Variants in XKR4 observed in about 807,000 individuals in gnomAD.
The protein encoded by XKR4 is XK-related protein 4.
XKR4 carries 12 observed loss-of-function variants against 53.9 expected under a neutral mutation model. The observed-to-expected ratio is 0.22, with a 90% CI of 0.14 to 0.36. The LOEUF (loss-of-function observed/expected upper bound fraction) is 0.36. XKR4 is among the 10% of genes least tolerant of loss of function. XKR4 has a pLI of 1.00. For missense variants in XKR4, 799 were observed against 859.5 expected (o/e 0.93, Z 0.88); for synonymous variants, 354 against 362.4 (o/e 0.98, Z 0.26).
At chr8:55,434,151 G>C (rs542044881) in intron 2 of XKR4, among the ~76,000 whole-genome samples, 134 of 152,226 alleles carry the variant, frequency 8.8e-4, no homozygotes, top group Middle Eastern at 3.4e-3. Context: ...GTAAAATGTG[G>C]AATATGACCA....
At chr8:55,326,502 G>C (rs1297013944) in intron 1 of XKR4, among the ~76,000 whole-genome samples, 1 of 56,170 alleles carries the variant, frequency 1.8e-5, no homozygotes, top group African/African-American at 7.8e-5. Context: ...ACAGAGTTTT[G>C]CTCTGTCACC....
At chr8:55,474,860 A>C (rs562985662) in intron 2 of XKR4, among the ~76,000 whole-genome samples, 1 of 152,240 alleles carries the variant, frequency 6.6e-6, no homozygotes, top group East Asian at 1.9e-4. Context: ...GTGTTCTTCT[A>C]AAACTGAATG....
chr8:55,383,520 A>C (rs1348477760), intron 2 of XKR4, among the ~76,000 whole-genome samples: 1 of 152,238 alleles, frequency 6.6e-6, no homozygotes, highest in African/African-American at 2.4e-5. Context: ...AAGAGCAGGA[A>C]TTTGGGTGTT....
chr8:55,131,258 G>C (rs1341721634), intron 1 of XKR4, among the ~76,000 whole-genome samples: 2 of 152,242 alleles, frequency 1.3e-5, no homozygotes, highest in East Asian at 3.9e-4. Flanking sequence ...GTGTTCCTCA[G>C]GTGATTCATA....
At position 55,523,921 on chromosome 8, in the gene XKR4, C is replaced by A; in HGVS notation, c.1647C>A (p.Ile549=). The A allele has an allele frequency of 1.2e-6, 2 of 1,614,210 alleles. No individual in the cohort carries two copies. The highest frequency in any genetic ancestry group is 2.7e-5 in the African/African-American group (2 of 75,052). ...PDVATSTLRS[I]SNNRSVVSDR... is the part of the protein sequence containing the mutation. ...TGGCCACAAGCACCCTACGGTCCAT[C>A]TCCAACAACCGCAGTGTTGTCAGCG... The change falls in exon 3 of 3, where the codon ATC becomes ATA. Residue 549 remains isoleucine, a synonymous_variant. Transcript: ENST00000327381.
At chr8:55,124,144 C>G (rs1174508456) in intron 1 of XKR4, among the ~76,000 whole-genome samples, 1 of 152,170 alleles carries the variant, frequency 6.6e-6, no homozygotes, top group Non-Finnish European at 1.5e-5. Context: ...CCTAACTTCC[C>G]CTGATTTCTC....
At chr8:55,121,322 A>G (rs1201723706) in intron 1 of XKR4, among the ~76,000 whole-genome samples, 1 of 152,166 alleles carries the variant, frequency 6.6e-6, no homozygotes, top group African/African-American at 2.4e-5. Context: ...GTACCGTTTC[A>G]CATTCCCACA....
intron 2 of XKR4, among the ~76,000 whole-genome samples, chr8:55,369,884 T>C (rs1005357204): frequency 1.3e-5 from 2 of 152,162 alleles, no homozygotes; most frequent in African/African-American, 2.4e-5. Flanking sequence ...TAAATAATGC[T>C]ATGATAAACA....
At chr8:55,123,144 A>C (rs912214537) in intron 1 of XKR4, among the ~76,000 whole-genome samples, 1 of 152,170 alleles carries the variant, frequency 6.6e-6, no homozygotes, top group African/African-American at 2.4e-5. Flanking sequence ...TGTGCTCCTC[A>C]TGGAAAGAGA....
At chr8:55,211,754 C>A (rs952975466) in intron 1 of XKR4, among the ~76,000 whole-genome samples, 1 of 152,158 alleles carries the variant, frequency 6.6e-6, no homozygotes, top group Admixed American at 6.5e-5. Context: ...TAGTTTTCCA[C>A]AAGTATTCTT....
At chr8:55,104,245 C>T (rs1445836409) in intron 1 of XKR4, among the ~76,000 whole-genome samples, 1 of 145,822 alleles carries the variant, frequency 6.9e-6, no homozygotes, top group Non-Finnish European at 1.5e-5. Context: ...TTATATGCTA[C>T]TAGCAGATTT....
At chr8:55,231,691 A>T (rs577551532) in intron 1 of XKR4, among the ~76,000 whole-genome samples, 3 of 152,264 alleles carry the variant, frequency 2.0e-5, no homozygotes, top group Non-Finnish European at 4.4e-5. Context: ...ATGCAGTCTC[A>T]TGAGCCTGTT....
chr8:55,514,520 G>C (rs1391459319), intron 2 of XKR4, among the ~76,000 whole-genome samples: 1 of 152,028 alleles, frequency 6.6e-6, no homozygotes, highest in African/African-American at 2.4e-5. Context: ...GCCTCCCAAA[G>C]CATGCTGGGA....
chr8:55,121,554 A>C (rs1816391032), intron 1 of XKR4, among the ~76,000 whole-genome samples: 1 of 152,200 alleles, frequency 6.6e-6, no homozygotes, highest in Admixed American at 6.5e-5. Flanking sequence ...AAAATAATAA[A>C]AATTTAAATT....
At chr8:55,332,859 A>ATG (rs942265815) in intron 1 of XKR4, among the ~76,000 whole-genome samples, 2 of 149,730 alleles carry the variant, frequency 1.3e-5, no homozygotes, top group African/African-American at 4.9e-5. Context: ...CTTCCATAAT[A>ATG]TGTATGTTAG....
chr8:55,254,482 A>G (rs1818406802), intron 1 of XKR4, among the ~76,000 whole-genome samples: 2 of 152,212 alleles, frequency 1.3e-5, no homozygotes, highest in Admixed American at 6.5e-5. Context: ...GGCAAAATCT[A>G]TAAATGACCT....
At chr8:55,410,701 CT>C (rs201596295) in intron 2 of XKR4, among the ~76,000 whole-genome samples, 2,360 of 152,192 alleles carry the variant, frequency 0.016, 28 homozygotes, top group Middle Eastern at 0.034. Context: ...CCCAATCTCT[CT>C]TACCTAAATC....
chr8:55,289,801 G>A (rs949869271), intron 1 of XKR4, among the ~76,000 whole-genome samples: 2 of 130,830 alleles, frequency 1.5e-5, no homozygotes, highest in African/African-American at 3.0e-5. Flanking sequence ...GAGAGAGAGA[G>A]AAAGAAAGGA....
intron 2 of XKR4, among the ~76,000 whole-genome samples, chr8:55,435,031 G>A (rs919037477): frequency 2.6e-5 from 4 of 152,166 alleles, no homozygotes; most frequent in African/African-American, 9.6e-5. Flanking sequence ...TCTAAGAAAT[G>A]TTCATGCTTT....
Sources: gnomAD v4.1 joint callset for allele counts (sites outside exome capture counted in the v4.1 genomes callset) on GRCh38, gnomAD v4.1.1 for gene constraint, MANE v1.5 for transcripts, NCBI Gene and HGNC (gene_info 2026-07-23, HGNC 2026-07-21) for gene names.